Variants in TMEM17 observed in about 807,000 individuals in gnomAD.
The protein encoded by TMEM17 is transmembrane protein 17.
In TMEM17, 15 loss-of-function variants were observed where a neutral mutation model predicts 19.1. That is an observed-to-expected ratio of 0.78 (90% confidence interval 0.52 to 1.21). The LOEUF (loss-of-function observed/expected upper bound fraction) is 1.21, where lower values mean the gene tolerates loss of function less well. TMEM17 is among the 50% of genes most tolerant of loss of function. The pLI is 0.00. For missense variants in TMEM17, 245 were observed against 242.3 expected (o/e 1.01, Z -0.07); for synonymous variants, 103 against 86.9 (o/e 1.19, Z -1.03).
chr2:62,505,262 G>A (rs1464806881), intron 1 of TMEM17, among the ~76,000 whole-genome samples: 1 of 152,174 alleles, frequency 6.6e-6, no homozygotes, highest in Non-Finnish European at 1.5e-5. Flanking sequence ...GATGTAGGAG[G>A]AGGAAACTGT....
chr2:62,487,305 C>A, the TMEM17 span, among the ~76,000 whole-genome samples: 1 of 152,172 alleles, frequency 6.6e-6, no homozygotes, highest in Non-Finnish European at 1.5e-5. Flanking sequence ...TTTCTCACAT[C>A]ACATCACTCT....
At chr2:62,480,849 G>A in the TMEM17 span, among the ~76,000 whole-genome samples, 1 of 152,150 alleles carries the variant, frequency 6.6e-6, no homozygotes, top group Non-Finnish European at 1.5e-5. Flanking sequence ...TATGCTTCCA[G>A]CTTTGTTCTT....
At chr2:62,463,517 T>A in the TMEM17 span, among the ~76,000 whole-genome samples, 1 of 152,102 alleles carries the variant, frequency 6.6e-6, no homozygotes, top group African/African-American at 2.4e-5. Flanking sequence ...TCCCTCAGGG[T>A]GCTTACCAGT....
chr2:62,475,159 G>C, the TMEM17 span, among the ~76,000 whole-genome samples: 3 of 152,182 alleles, frequency 2.0e-5, no homozygotes, highest in African/African-American at 7.2e-5. Flanking sequence ...GCCCAACCCT[G>C]GTGTATTTCC....
At chr2:62,461,127 T>C in the TMEM17 span, among the ~76,000 whole-genome samples, 2 of 152,210 alleles carry the variant, frequency 1.3e-5, no homozygotes, top group East Asian at 3.8e-4. Context: ...GGCCAGCCTC[T>C]TGGGCTCCTG....
chr2:62,476,338 A>G, the TMEM17 span, among the ~76,000 whole-genome samples: 10 of 152,208 alleles, frequency 6.6e-5, no homozygotes, highest in Non-Finnish European at 1.5e-4. Context: ...CAGGGAGGGC[A>G]TTGGTGGGAG....
At chr2:62,492,753 G>T in the TMEM17 span, among the ~76,000 whole-genome samples, 1 of 152,208 alleles carries the variant, frequency 6.6e-6, no homozygotes, top group East Asian at 1.9e-4. Context: ...TAGGACTGTG[G>T]GAGGAACAAA....
chr2:62,468,602 A>G, the TMEM17 span, among the ~76,000 whole-genome samples: 90 of 152,314 alleles, frequency 5.9e-4, no homozygotes, highest in African/African-American at 2.1e-3. Context: ...GGGTTGTCAC[A>G]GTGGACTGAG....
At chr2:62,487,357 C>A in the TMEM17 span, among the ~76,000 whole-genome samples, 1 of 152,182 alleles carries the variant, frequency 6.6e-6, no homozygotes, top group Non-Finnish European at 1.5e-5. Context: ...TTTCGGTTCT[C>A]TTGTGATTGC....
chr2:62,462,689 C>T, the TMEM17 span, among the ~76,000 whole-genome samples: 4 of 152,182 alleles, frequency 2.6e-5, no homozygotes, highest in South Asian at 4.1e-4. Context: ...TGAACTCCTT[C>T]CCTGAATACT....
Position 62,501,047 on chromosome 2 carries a change from T to C in TMEM17, c.*162A>G. 1.4e-6 allele frequency: 1 copy of C among 735,624 alleles called. No homozygotes were observed. Among genetic ancestry groups the C allele is most frequent in the South Asian group, 2.1e-5 (1 of 46,970 alleles). 45.6% of individuals were successfully genotyped at this position (735,624 alleles called of 1,614,324 possible). ...TTTAGGGTTAATATACTGTTTCATA[T>C]ACTGTACAAAGTTTCATCATTGCCC... On this transcript the variant is annotated 3_prime_UTR_variant, in exon 4 of 4. Coordinates refer to ENST00000335390, the MANE Select transcript of TMEM17 (RefSeq NM_198276.3).
chr2:62,491,632 T>C, the TMEM17 span, among the ~76,000 whole-genome samples: 2 of 152,188 alleles, frequency 1.3e-5, no homozygotes, highest in Non-Finnish European at 2.9e-5. Flanking sequence ...TAGAATACTC[T>C]GTTTTTCTCA....
downstream of TMEM17, among the ~76,000 whole-genome samples, chr2:62,498,722 A>AC (rs1558720931): frequency 1.3e-5 from 1 of 77,468 alleles, no homozygotes; most frequent in Admixed American, 1.2e-4. Flanking sequence ...TCTCAAAAAT[A>AC]AAATAAAATA....
chr2:62,457,810 C>G, the TMEM17 span, among the ~76,000 whole-genome samples: 4 of 152,336 alleles, frequency 2.6e-5, no homozygotes, highest in Admixed American at 1.3e-4. The surrounding 1 kb of genome is among the most constrained non-coding windows in gnomAD (Gnocchi z 4.2). Context: ...GCGGTTGCCT[C>G]CAGCAGCCTC....
the TMEM17 span, among the ~76,000 whole-genome samples, chr2:62,481,721 GT>G: frequency 1.3e-5 from 2 of 151,878 alleles, no homozygotes; most frequent in Non-Finnish European, 2.9e-5. Context: ...GTGTGTGTGT[GT>G]GTGTGTGTGT....
the TMEM17 span, among the ~76,000 whole-genome samples, chr2:62,472,295 G>T: frequency 6.6e-6 from 1 of 152,178 alleles, no homozygotes; most frequent in Non-Finnish European, 1.5e-5. Flanking sequence ...GCAAAAGAAG[G>T]GTGGGCATGA....
At chr2:62,490,534 A>AT in the TMEM17 span, among the ~76,000 whole-genome samples, 1 of 152,116 alleles carries the variant, frequency 6.6e-6, no homozygotes, top group Non-Finnish European at 1.5e-5. Context: ...AAGTGCTGGG[A>AT]TTACAGGCAT....
the TMEM17 span, among the ~76,000 whole-genome samples, chr2:62,467,730 A>G: frequency 6.6e-6 from 1 of 152,148 alleles, no homozygotes; most frequent in African/African-American, 2.4e-5. Flanking sequence ...GGGCTGGGAA[A>G]GTCAGGGTTT....
At chr2:62,501,637 A>G in intron 3 of TMEM17, 150 bp from the exon 4 acceptor site, 1 of 745,898 alleles carries the variant, frequency 1.3e-6, no homozygotes, top group Non-Finnish European at 2.1e-6. Flanking sequence ...GTCCTCAGAG[A>G]ACTTACAGTC....
Sources: allele counts gnomAD v4.1 joint callset (sites outside exome capture counted in the v4.1 genomes callset), GRCh38; gene constraint gnomAD v4.1.1; non-coding constraint Gnocchi (gnomAD v3.1); transcripts MANE v1.5; gene names NCBI Gene and HGNC (gene_info 2026-07-23, HGNC 2026-07-21).